SPOCK3: variants seen among roughly 807,000 people sequenced by gnomAD.
The protein encoded by SPOCK3 is testican-3.
Under a neutral mutation model 56.6 loss-of-function variants are expected in SPOCK3, and 30 were observed. That is an observed-to-expected ratio of 0.53 (90% CI 0.40 to 0.72). The LOEUF (loss-of-function observed/expected upper bound fraction) is 0.72, where lower values mean the gene tolerates loss of function less well. Among genes scored for constraint, SPOCK3 ranks in the 30% least tolerant of loss-of-function variants. The pLI is 0.00. For missense variants in SPOCK3, 527 were observed against 530.0 expected (o/e 0.99, Z 0.06); for synonymous variants, 196 against 183.3 (o/e 1.07, Z -0.56).
intron 5 of SPOCK3, among the ~76,000 whole-genome samples, chr4:166,903,176 T>C (rs1287034685): frequency 1.3e-5 from 2 of 148,686 alleles, no homozygotes; most frequent in Non-Finnish European, 3.0e-5. Flanking sequence ...TTAATAAATA[T>C]TAAAATTTAT....
At chr4:166,953,029 G>T (rs1742881683) in intron 4 of SPOCK3, among the ~76,000 whole-genome samples, 1 of 151,798 alleles carries the variant, frequency 6.6e-6, no homozygotes, top group Admixed American at 6.6e-5. Context: ...CATGGGCAAG[G>T]ACTTCATGTC....
chr4:166,861,244 G>C (rs187548749), intron 6 of SPOCK3, among the ~76,000 whole-genome samples: 1 of 152,034 alleles, frequency 6.6e-6, no homozygotes, highest in South Asian at 2.1e-4. Flanking sequence ...CTGGATAAGA[G>C]CCTGTCCTGA....
At chr4:167,062,885 T>C (rs2150247921) in intron 2 of SPOCK3, among the ~76,000 whole-genome samples, 1 of 151,988 alleles carries the variant, frequency 6.6e-6, no homozygotes, top group East Asian at 1.9e-4. Context: ...CAGTGCATAA[T>C]ATAACATGCA....
chr4:167,019,531 CAT>C (rs918785995), intron 3 of SPOCK3, among the ~76,000 whole-genome samples: 6 of 151,502 alleles, frequency 4.0e-5, no homozygotes, highest in African/African-American at 1.2e-4. Context: ...TCATATTTTA[CAT>C]GTTACTTGTT....
intron 2 of SPOCK3, among the ~76,000 whole-genome samples, chr4:167,124,037 G>A (rs183256692): frequency 1.8e-3 from 281 of 152,024 alleles, no homozygotes; most frequent in Non-Finnish European, 3.1e-3. Context: ...GAGCCACCAC[G>A]CCCTGCCCCA....
rs560771070 is a variant in SPOCK3 at position 166,875,026 on chromosome 4, A to T, written c.589+14104T>A. Among the ~76,000 whole-genome samples the T allele has an allele frequency of 4.6e-5, 7 of 152,236 alleles. No homozygotes were observed. The South Asian group carries it at 1.5e-3, about 32-fold the overall frequency. ...TGCTTACATATGGCTAAAATCTTTA[A>T]GAAAATTATCTCATAGAGGAGTGAG... On this transcript the variant is annotated intron_variant, in intron 6 of 10. Coordinates refer to ENST00000357545, the MANE Select transcript of SPOCK3 (RefSeq NM_001040159.2).
chr4:167,181,089 A>G (rs1480344195), intron 2 of SPOCK3, among the ~76,000 whole-genome samples: 3 of 152,132 alleles, frequency 2.0e-5, no homozygotes, highest in African/African-American at 7.2e-5. Flanking sequence ...TTCCAAATGT[A>G]TACCTCTGTT....
At chr4:167,220,985 C>A (rs528398163) in intron 2 of SPOCK3, among the ~76,000 whole-genome samples, 1 of 151,994 alleles carries the variant, frequency 6.6e-6, no homozygotes, top group Admixed American at 6.6e-5. Flanking sequence ...AAATTGCAAA[C>A]CTTAATCAAT....
intron 2 of SPOCK3, among the ~76,000 whole-genome samples, chr4:167,185,581 T>A (rs1185965524): frequency 6.6e-6 from 1 of 152,190 alleles, no homozygotes; most frequent in African/African-American, 2.4e-5. Flanking sequence ...ATAAATGCCA[T>A]CTGCTGTGTG....
intron 7 of SPOCK3, among the ~76,000 whole-genome samples, chr4:166,771,293 C>G (rs1338915135): frequency 6.6e-6 from 1 of 151,906 alleles, no homozygotes; most frequent in Non-Finnish European, 1.5e-5. Flanking sequence ...GCATTTGTTG[C>G]TTCATCATCC....
chr4:166,988,380 A>G (rs1345405356), intron 4 of SPOCK3, among the ~76,000 whole-genome samples: 1 of 152,082 alleles, frequency 6.6e-6, no homozygotes, highest in Non-Finnish European at 1.5e-5. Context: ...CACTGAGAAC[A>G]GAAGGGAAGA....
In SPOCK3 at chr4:166,748,865, C is replaced by T. The variant is rs1422680084; in HGVS notation, c.931+5643G>A. ...CATTTTTCAAACGAAGTCATTTATG[C>T]CACCAACAGACACAGAAAAAATGCT... On this transcript the variant is annotated intron_variant, in intron 8 of 10. Coordinates refer to ENST00000357545, the MANE Select transcript of SPOCK3 (RefSeq NM_001040159.2). Among the ~76,000 whole-genome samples, 5 of 137,502 alleles carry T rather than the reference C, an allele frequency of 3.6e-5. 1 individual carries two copies. Among genetic ancestry groups the T allele is most frequent in the Non-Finnish European group, 7.7e-5 (5 of 64,750 alleles). The allele number at this position is 137,502 out of a possible 152,430, so 90.2% of individuals were successfully genotyped here.
intron 5 of SPOCK3, among the ~76,000 whole-genome samples, chr4:166,891,685 G>A (rs1168847620): frequency 6.6e-6 from 1 of 151,974 alleles, no homozygotes; most frequent in African/African-American, 2.4e-5. Flanking sequence ...AATTATGAAT[G>A]TTTTAATGAA....
chr4:167,056,826 T>A (rs1012654150), intron 3 of SPOCK3, among the ~76,000 whole-genome samples: 5 of 152,304 alleles, frequency 3.3e-5, no homozygotes, highest in Non-Finnish European at 5.9e-5. Flanking sequence ...TACCTAAAAG[T>A]GACGGGGAGA....
intron 2 of SPOCK3, among the ~76,000 whole-genome samples, chr4:167,119,222 A>G (rs1436477235): frequency 6.6e-6 from 1 of 152,164 alleles, no homozygotes; most frequent in Non-Finnish European, 1.5e-5. Flanking sequence ...GTTAAATAGA[A>G]AGAAAATTCC....
At chr4:166,994,101 CAGA>C (rs1748100604) in intron 4 of SPOCK3, among the ~76,000 whole-genome samples, 2 of 151,982 alleles carry the variant, frequency 1.3e-5, no homozygotes, top group Non-Finnish European at 2.9e-5. Context: ...CGGAGTCTGC[CAGA>C]AGAACAAAGG....
chr4:167,234,336 C>T, intron 1 of SPOCK3, 114 bp downstream of exon 1: 1 of 688,282 alleles, frequency 1.5e-6, no homozygotes, highest in Non-Finnish European at 2.4e-6. Flanking sequence ...GCTTTACCCC[C>T]AAAAGCCGGG....
At chr4:167,188,580 A>T (rs1732214483) in intron 2 of SPOCK3, among the ~76,000 whole-genome samples, 1 of 146,190 alleles carries the variant, frequency 6.8e-6, no homozygotes, top group South Asian at 2.1e-4. Context: ...GCCTAAAATC[A>T]ATAAACATGG....
intron 4 of SPOCK3, among the ~76,000 whole-genome samples, chr4:166,953,569 G>A (rs952779667): frequency 4.6e-5 from 7 of 152,038 alleles, no homozygotes; most frequent in Admixed American, 4.6e-4. Context: ...ATTTGACCCA[G>A]CCATCCCATT....
Sources: allele counts gnomAD v4.1 joint callset (sites outside exome capture counted in the v4.1 genomes callset), GRCh38; gene constraint gnomAD v4.1.1; transcripts MANE v1.5; gene names NCBI Gene and HGNC (gene_info 2026-07-23, HGNC 2026-07-21).